Variants in DLG2 observed in about 807,000 individuals in gnomAD.
The protein encoded by DLG2 is disks large homolog 2.
Under a neutral mutation model 132.5 loss-of-function variants are expected in DLG2, and 45 were observed. The ratio of observed to expected loss-of-function variants is 0.34; its 90% CI spans 0.27 to 0.44. The LOEUF (loss-of-function observed/expected upper bound fraction) is 0.44, where lower values mean the gene tolerates loss of function less well. DLG2 is among the 20% of genes least tolerant of loss of function. The pLI, the probability that DLG2 is intolerant of heterozygous loss-of-function variation, is 1.00. For synonymous variants in DLG2, 424 were observed against 419.6 expected (o/e 1.01, Z -0.13); for missense variants, 1,045 against 1,196.9 (o/e 0.87, Z 1.87).
At chr11:84,841,085 T>C (rs1004608527) in intron 6 of DLG2, among the ~76,000 whole-genome samples, 5 of 149,220 alleles carry the variant, frequency 3.4e-5, no homozygotes, top group Non-Finnish European at 4.5e-5. Context: ...ATAAAAAGAG[T>C]GCAGTAAAAA....
chr11:84,157,657 C>G (rs2095457968), intron 9 of DLG2, among the ~76,000 whole-genome samples: 1 of 152,154 alleles, frequency 6.6e-6, no homozygotes, highest in Non-Finnish European at 1.5e-5. Context: ...AGTTATGATG[C>G]CTCAGGAAAT....
At chr11:83,467,808 T>TAC (rs1475625311) in intron 25 of DLG2, among the ~76,000 whole-genome samples, 6,677 of 84,220 alleles carry the variant, frequency 0.079, 243 homozygotes, top group Non-Finnish European at 0.11. Flanking sequence ...TATATATATA[T>TAC]ATACACACAC....
intron 6 of DLG2, among the ~76,000 whole-genome samples, chr11:85,075,018 G>A (rs1419335627): frequency 1.3e-5 from 2 of 151,792 alleles, no homozygotes; most frequent in Admixed American, 1.3e-4. Flanking sequence ...GCAATCTAAG[G>A]AAGAGAAAAT....
At chr11:84,156,263 G>A (rs963004040) in intron 9 of DLG2, among the ~76,000 whole-genome samples, 1 of 152,142 alleles carries the variant, frequency 6.6e-6, no homozygotes, top group South Asian at 2.1e-4. Context: ...ATTAGCAAAT[G>A]CAGCTAAGTC....
At chr11:83,906,079 C>G (rs202237938) in intron 15 of DLG2, among the ~76,000 whole-genome samples, 3 of 94,224 alleles carry the variant, frequency 3.2e-5, no homozygotes, top group African/African-American at 9.5e-5. Context: ...CTCTCTCTCT[C>G]TCTATATATA....
At chr11:85,351,419 T>C (rs192499946) in intron 3 of DLG2, among the ~76,000 whole-genome samples, 172 of 152,330 alleles carry the variant, frequency 1.1e-3, no homozygotes, top group African/African-American at 3.2e-3. Flanking sequence ...TCTTGCCTGA[T>C]TGCCCTGGCA....
intron 12 of DLG2, among the ~76,000 whole-genome samples, chr11:83,973,723 A>G (rs2091754120): frequency 6.6e-6 from 1 of 152,022 alleles, no homozygotes; most frequent in South Asian, 2.1e-4. Flanking sequence ...AAATAAAATG[A>G]AGCATGATCC....
chr11:84,560,590 T>C (rs906165689), intron 6 of DLG2, among the ~76,000 whole-genome samples: 6 of 152,140 alleles, frequency 3.9e-5, no homozygotes, highest in African/African-American at 1.4e-4. Context: ...GGGGTCTTCT[T>C]ATAAAATATT....
intron 6 of DLG2, among the ~76,000 whole-genome samples, chr11:84,619,731 G>T (rs2099610626): frequency 6.6e-6 from 1 of 151,558 alleles, no homozygotes; most frequent in Middle Eastern, 3.4e-3. Flanking sequence ...ATTCTCGAAA[G>T]TTTTTCAAAA....
chr11:84,766,551 T>C lies in DLG2; in HGVS notation c.358-231820A>G, dbSNP rs2153878626. ...AGCAACTGGCATAATGTGGAGAACA[T>C]AACAGCTCATCAGTAAATAATTGTT... On this transcript the variant is annotated intron_variant, in intron 6 of 27. Coordinates refer to ENST00000376104, the MANE Select transcript of DLG2 (RefSeq NM_001142699.3). Among the ~76,000 whole-genome samples, 5 of 152,144 alleles carry C rather than the reference T, an allele frequency of 3.3e-5. No individual in the cohort carries two copies. In the South Asian group the frequency reaches 1.0e-3, roughly 31 times the overall value.
intron 6 of DLG2, among the ~76,000 whole-genome samples, chr11:85,050,315 G>T (rs1318284221): frequency 6.6e-6 from 1 of 151,948 alleles, no homozygotes; most frequent in Non-Finnish European, 1.5e-5. Context: ...AGACCACATA[G>T]AAGAAAATAT....
At chr11:85,502,633 C>T (rs1439867835) in intron 3 of DLG2, among the ~76,000 whole-genome samples, 1 of 151,944 alleles carries the variant, frequency 6.6e-6, no homozygotes, top group African/African-American at 2.4e-5. Flanking sequence ...GGGAACATCA[C>T]ACACTGAGGC....
intron 9 of DLG2, among the ~76,000 whole-genome samples, chr11:84,138,878 G>C (rs955909540): frequency 1.3e-5 from 2 of 150,372 alleles, no homozygotes; most frequent in African/African-American, 4.9e-5. Flanking sequence ...GAACCCAAGA[G>C]GGGGAAGTTG....
intron 6 of DLG2, among the ~76,000 whole-genome samples, chr11:84,564,319 C>G (rs1328113381): frequency 6.6e-6 from 1 of 152,168 alleles, no homozygotes; most frequent in Admixed American, 6.5e-5. Flanking sequence ...AAGTCCCTGT[C>G]AGCACTGAAC....
chr11:85,282,132 C>T (rs1488635491), intron 4 of DLG2, among the ~76,000 whole-genome samples: 3 of 151,700 alleles, frequency 2.0e-5, no homozygotes, highest in Non-Finnish European at 4.4e-5. Flanking sequence ...ACAAATATCA[C>T]TCATATATGG....
At chr11:85,535,943 T>C (rs1218804161) in intron 3 of DLG2, among the ~76,000 whole-genome samples, 1 of 151,930 alleles carries the variant, frequency 6.6e-6, no homozygotes, top group Non-Finnish European at 1.5e-5. Flanking sequence ...AGTCCAAGTG[T>C]GGTGGCTCAT....
chr11:84,292,624 C>T (rs1190103449), intron 7 of DLG2, among the ~76,000 whole-genome samples: 2 of 152,104 alleles, frequency 1.3e-5, no homozygotes, highest in African/African-American at 4.8e-5. Flanking sequence ...CAGAATCTGG[C>T]ACCTATATCT....
chr11:84,016,658 G>A (rs568446703), intron 11 of DLG2, among the ~76,000 whole-genome samples: 6 of 152,134 alleles, frequency 3.9e-5, no homozygotes, highest in Non-Finnish European at 8.8e-5. Flanking sequence ...TCAGATGGTT[G>A]TAGGTGCATG....
Position 85,399,672 on chromosome 11 carries a change from C to A in DLG2, c.41-114307G>T, listed in dbSNP as rs1162712723. 5.9e-5 allele frequency among the ~76,000 whole-genome samples: 9 copies of A among 152,074 alleles called. No individual in the cohort carries two copies. In the East Asian group the frequency reaches 1.7e-3, roughly 29 times the overall value. On this transcript the variant is annotated intron_variant, in intron 3 of 27. Coordinates refer to ENST00000376104, the MANE Select transcript of DLG2 (RefSeq NM_001142699.3). ...CTTTGACAAACCTGAGAAAAACAAT[C>A]AATGGGGAAAGGATTCCCTATTTAA...
Sources: allele counts gnomAD v4.1 joint callset (sites outside exome capture counted in the v4.1 genomes callset), GRCh38; gene constraint gnomAD v4.1.1; transcripts MANE v1.5; gene names NCBI Gene and HGNC (gene_info 2026-07-23, HGNC 2026-07-21).